EDARADD: variants seen among roughly 807,000 people sequenced by gnomAD.
EDARADD encodes the protein ectodysplasin-A receptor-associated adapter protein.
In EDARADD, 20 loss-of-function variants were observed where a neutral mutation model predicts 25.6. The ratio of observed to expected loss-of-function variants is 0.78; its 90% confidence interval spans 0.55 to 1.14. The LOEUF is 1.14. Among genes scored for constraint, EDARADD ranks in the 50% most tolerant of loss-of-function variants. The probability of loss-of-function intolerance (pLI) is 0.00; values close to 1 mark genes in which losing one functional copy is unlikely to be tolerated. For missense variants in EDARADD, 225 were observed against 270.1 expected (o/e 0.83, Z 1.17); for synonymous variants, 86 against 94.4 (o/e 0.91, Z 0.52).
At chr1:236,403,539 G>A (rs1358222194) in intron 1 of EDARADD, among the ~76,000 whole-genome samples, 3 of 151,938 alleles carry the variant, frequency 2.0e-5, no homozygotes, top group Admixed American at 6.6e-5. Context: ...CGCCTGCCTC[G>A]GCCTCCCAAA....
intron 3 of EDARADD, among the ~76,000 whole-genome samples, chr1:236,376,799 G>C (rs184182687): frequency 6.6e-6 from 1 of 151,942 alleles, no homozygotes; most frequent in African/African-American, 2.4e-5. Flanking sequence ...TCTCATTATG[G>C]GTATGTTAAA....
chr1:236,375,028 TA>T (rs1667210949), intron 3 of EDARADD, among the ~76,000 whole-genome samples: 1 of 152,082 alleles, frequency 6.6e-6, no homozygotes, highest in African/African-American at 2.4e-5. Flanking sequence ...GTATTTCATA[TA>T]ATTCCATTTT....
chr1:236,385,569 C>T (rs1196478378), intron 3 of EDARADD, among the ~76,000 whole-genome samples: 1 of 151,376 alleles, frequency 6.6e-6, no homozygotes, highest in African/African-American at 2.4e-5. Context: ...ACTAAAAATA[C>T]AAAAATTAGT....
intron 3 of EDARADD, among the ~76,000 whole-genome samples, chr1:236,379,455 A>G (rs1039711925): frequency 1.3e-5 from 2 of 152,040 alleles, no homozygotes; most frequent in Non-Finnish European, 2.9e-5. Flanking sequence ...GAAAGCTTCT[A>G]TTGAAATACC....
intron 5 of EDARADD, among the ~76,000 whole-genome samples, chr1:236,480,404 A>G (rs949836522): frequency 1.3e-5 from 2 of 152,138 alleles, no homozygotes; most frequent in Non-Finnish European, 2.9e-5. Flanking sequence ...ATTTTGGATT[A>G]TCTCCTTAGG....
rs150032713 is a variant in EDARADD, at chr1:236,473,572, G to A, written c.265+5296G>A. On this transcript the variant is annotated intron_variant, in intron 5 of 5. Coordinates refer to ENST00000334232, the MANE Select transcript of EDARADD (RefSeq NM_145861.4). ...GTAGGTGGATTGCTTGAGTCCAGGAGTTCGAGACCAGCCTGGGCAACATAG... is the reference window on the plus strand; with the variant it reads ...GTAGGTGGATTGCTTGAGTCCAGGAATTCGAGACCAGCCTGGGCAACATAG... Among the ~76,000 whole-genome samples, 396 of 152,254 alleles carry A rather than the reference G, an allele frequency of 2.6e-3. 1 individual carries two copies. The highest frequency in any genetic ancestry group is 9.3e-3 in the African/African-American group (388 of 41,562).
Position 236,377,570 on chromosome 1 carries a change from A to AT in EDARADD, c.-6+26738dup, listed in dbSNP as rs559862550. ...TGCTTGCCCGGTCTCTTCAAACTGT[A>AT]TTTTTTTGGCTGAGCGTGGTGGCTC... On this transcript the variant is annotated intron_variant, in intron 3 of 7. Transcript: ENST00000439430. Among the ~76,000 whole-genome samples the AT allele has an allele frequency of 6.4e-4, 95 of 147,926 alleles. No individual in the cohort carries two copies. The South Asian group carries it at 7.1e-3, about 11-fold the overall frequency.
chr1:236,470,502 T>C (rs1224704219), intron 5 of EDARADD, among the ~76,000 whole-genome samples: 2 of 152,254 alleles, frequency 1.3e-5, no homozygotes, highest in African/African-American at 2.4e-5. Flanking sequence ...TTCTGAATGA[T>C]AGTCATTATT....
chr1:236,397,724 A>C (rs189689329), intron 1 of EDARADD, among the ~76,000 whole-genome samples: 26 of 152,316 alleles, frequency 1.7e-4, no homozygotes, highest in Non-Finnish European at 3.2e-4. Flanking sequence ...GCTCCCCACC[A>C]GTTGGCAGAG....
rs199862998 is a variant in EDARADD at position 236,456,024 on chromosome 1, T to C, written c.220-12207T>C. On this transcript the variant is annotated intron_variant, in intron 4 of 5. Transcript: ENST00000334232. ...CAGGATGGTCTCGATCTGCTGACCT[T>C]GTAATCCGCCCGCCTCGGCCTCCCA... Among the ~76,000 whole-genome samples the C allele has an allele frequency of 3.8e-4, 58 of 152,232 alleles. No homozygotes were observed. In the East Asian group the frequency reaches 7.0e-3, roughly 18 times the overall value.
At chr1:236,445,314 G>C (rs1160851114) in intron 4 of EDARADD, among the ~76,000 whole-genome samples, 1 of 139,350 alleles carries the variant, frequency 7.2e-6, no homozygotes, top group Non-Finnish European at 1.5e-5. Context: ...TGCAACCTCC[G>C]CCTCCCAGGT....
At chr1:236,355,493 T>G (rs79797821) in intron 3 of EDARADD, among the ~76,000 whole-genome samples, 13,378 of 130,664 alleles carry the variant, frequency 0.1, 1,153 homozygotes, top group African/African-American at 0.22. Flanking sequence ...CTCTTCTGCT[T>G]CTTCTTCTTT....
intron 4 of EDARADD, among the ~76,000 whole-genome samples, chr1:236,465,948 C>T (rs534986207): frequency 4.6e-5 from 7 of 152,256 alleles, no homozygotes; most frequent in Admixed American, 2.6e-4. Flanking sequence ...GTCTGCATCA[C>T]GGGGATGATT....
chr1:236,459,438 G>A (rs1326294677), intron 4 of EDARADD, among the ~76,000 whole-genome samples: 2 of 152,072 alleles, frequency 1.3e-5, no homozygotes, highest in Non-Finnish European at 2.9e-5. Flanking sequence ...GAACGGTTAT[G>A]TCTTTGACCC....
chr1:236,368,814 C>G (rs941921323), intron 3 of EDARADD, among the ~76,000 whole-genome samples: 5 of 152,148 alleles, frequency 3.3e-5, no homozygotes, highest in African/African-American at 1.2e-4. Context: ...AAATCTTTCT[C>G]TTATATTTCT....
chr1:236,365,455 C>A (rs1351856114), intron 3 of EDARADD, among the ~76,000 whole-genome samples: 1 of 152,112 alleles, frequency 6.6e-6, no homozygotes, highest in African/African-American at 2.4e-5. Context: ...ACCACTGCAC[C>A]CAACCAATTT....
chr1:236,434,098 C>T (rs563818701), intron 4 of EDARADD, among the ~76,000 whole-genome samples: 4 of 152,130 alleles, frequency 2.6e-5, no homozygotes, highest in South Asian at 2.1e-4. Flanking sequence ...GTCTGAGGGC[C>T]GGAGCCAGAA....
intron 3 of EDARADD, among the ~76,000 whole-genome samples, chr1:236,381,165 A>G (rs191747139): frequency 1.3e-5 from 2 of 152,306 alleles, no homozygotes; most frequent in African/African-American, 4.8e-5. Flanking sequence ...GTGGAGTCAT[A>G]CAATACGCAT....
intron 3 of EDARADD, among the ~76,000 whole-genome samples, chr1:236,377,830 C>A (rs1572115831): frequency 1.3e-5 from 2 of 151,934 alleles, no homozygotes; most frequent in South Asian, 4.2e-4. Flanking sequence ...TGCACTCCAG[C>A]CTCACGACAG....
Sources: allele counts gnomAD v4.1 joint callset (sites outside exome capture counted in the v4.1 genomes callset), GRCh38; gene constraint gnomAD v4.1.1; transcripts MANE v1.5; gene names NCBI Gene and HGNC (gene_info 2026-07-23, HGNC 2026-07-21).